The following LASP1 variants were observed in gnomAD, a reference collection of about 807,000 sequenced individuals.
LASP1 encodes LIM and SH3 protein 1, also known as LIM and SH3 domain protein 1.
A neutral mutation model predicts 38.6 loss-of-function variants in LASP1; 10 were observed. The observed-to-expected ratio is 0.26, with a 90% CI of 0.16 to 0.44. LASP1 has a LOEUF of 0.44. Among genes scored for constraint, LASP1 ranks in the 20% least tolerant of loss-of-function variants. The pLI is 1.00. For missense variants in LASP1, 243 were observed against 375.7 expected (o/e 0.65, Z 2.92); for synonymous variants, 132 against 140.8 (o/e 0.94, Z 0.44).
chr17:38,921,162 C>T lies in LASP1; in HGVS notation c.*2384C>T, dbSNP rs1046188117. 4.4e-6 allele frequency: 1 copy of T among 229,630 alleles called. No individual in the cohort carries two copies. The highest frequency in any genetic ancestry group is 1.8e-4 in the South Asian group (1 of 5,490). The allele number at this position is 229,630 out of a possible 1,614,324, so 14.2% of individuals were successfully genotyped here. On this transcript the variant is annotated 3_prime_UTR_variant, in exon 7 of 7. Coordinates refer to ENST00000318008, the MANE Select transcript of LASP1 (RefSeq NM_006148.4). ...TGTTCTTTACCAAAACCATCCATCC[C>T]TAGAAGAGCACAGAGCCCTGAGGGG...
At chr17:38,876,825 C>T (rs950069065) in intron 1 of LASP1, among the ~76,000 whole-genome samples, 1 of 151,936 alleles carries the variant, frequency 6.6e-6, no homozygotes, top group African/African-American at 2.4e-5. Flanking sequence ...GCCTCAGCCT[C>T]CCAAGTAGCT....
In LASP1 at chr17:38,890,569, G is replaced by A. The variant is rs759308597; in HGVS notation, c.249+65G>A. 3.2e-4 allele frequency: 467 copies of A among 1,454,900 alleles called. 1 individual carries two copies. The highest frequency in any genetic ancestry group is 4.2e-4 in the Non-Finnish European group (442 of 1,042,978). The allele number at this position is 1,454,900 out of a possible 1,614,324, so 90.1% of individuals were successfully genotyped here. ...TGCTGGGGAGGGAAGTTGTAAGGTCGGCATTTGGCAAGAGTACCTTCCCCT... is the reference window on the plus strand; with the variant it reads ...TGCTGGGGAGGGAAGTTGTAAGGTCAGCATTTGGCAAGAGTACCTTCCCCT... On this transcript the variant is annotated intron_variant, in intron 3 of 6. Coordinates refer to ENST00000318008, the MANE Select transcript of LASP1 (RefSeq NM_006148.4).
chr17:38,885,065 C>T (rs897719947), intron 2 of LASP1, among the ~76,000 whole-genome samples: 4 of 152,136 alleles, frequency 2.6e-5, no homozygotes, highest in South Asian at 4.1e-4. Flanking sequence ...TCATAATGGC[C>T]GAGCTTGGAA....
At position 38,918,782 on chromosome 17, in the gene LASP1, C is replaced by T. The variant is rs375387659; in HGVS notation, c.*4C>T. Reference sequence around the variant, plus strand: ...CAACTACGTGGAGGCCATCTGAACCCGCAGCGCCCCCATCTGTCTTCAGCA... The same window carrying T: ...CAACTACGTGGAGGCCATCTGAACCTGCAGCGCCCCCATCTGTCTTCAGCA... On this transcript the variant is annotated 3_prime_UTR_variant, in exon 7 of 7. Coordinates refer to ENST00000318008, the MANE Select transcript of LASP1 (RefSeq NM_006148.4). The surrounding 1 kb of genome is among the most constrained non-coding windows in gnomAD (Gnocchi z 4.4). 1.3e-5 allele frequency: 21 copies of T among 1,613,230 alleles called. No individual in the cohort carries two copies. Among genetic ancestry groups the T allele is most frequent in the African/African-American group, 6.7e-5 (5 of 74,942 alleles).
Position 38,915,101 on chromosome 17 carries a change from T to A in LASP1, c.567T>A (p.Pro189=), listed in dbSNP as rs1219225711. 6.2e-7 allele frequency: 1 copy of A among 1,613,744 alleles called. No homozygotes were observed. The highest frequency in any genetic ancestry group is 8.5e-7 in the Non-Finnish European group (1 of 1,179,964). ...VAQSYGGYKE[P]AAPVSIQRSA... is the part of the protein sequence containing the mutation. ...AGTCCTATGGTGGCTACAAGGAGCCTGCAGCCCCAGTCTCCATACAGCGCA... is the reference window on the plus strand; with the variant it reads ...AGTCCTATGGTGGCTACAAGGAGCCAGCAGCCCCAGTCTCCATACAGCGCA... The change falls in exon 6 of 7, where the codon CCT becomes CCA. Residue 189 remains proline (P), a synonymous_variant. Transcript: ENST00000318008.
Position 38,870,214 on chromosome 17 carries a change from G to C in LASP1, c.25G>C (p.Gly9Arg), listed in dbSNP as rs773847283. Residue 9 changes from glycine (G) to arginine (R), a missense_variant, in exon 1 of 7, where the codon GGC becomes CGC. Around this residue, in one of 4 missense-constraint regions of LASP1, gnomAD observed 43 missense variants for 108.3 expected, o/e 0.40. Coordinates refer to ENST00000318008, the MANE Select transcript of LASP1 (RefSeq NM_006148.4). ...CATGAACCCCAACTGCGCCCGGTGCGGCAAGATCGTGTATCCCACGGAGAA... is the reference window on the plus strand; with the variant it reads ...CATGAACCCCAACTGCGCCCGGTGCCGCAAGATCGTGTATCCCACGGAGAA... MNPNCARC[G>R]KIVYPTEKVN... 6.2e-7 allele frequency: 1 copy of C among 1,613,862 alleles called. No individual in the cohort carries two copies. Among genetic ancestry groups the C allele is most frequent in the Non-Finnish European group, 8.5e-7 (1 of 1,179,854 alleles).
chr17:38,919,812 C>T lies in LASP1; in HGVS notation c.*1034C>T, dbSNP rs1423872278. ...AAGTCAGCAGGGACCACTAAATCTCCAAGACCTGGTGTGCGGAGGCAGGAG... is the reference window on the plus strand; with the variant it reads ...AAGTCAGCAGGGACCACTAAATCTCTAAGACCTGGTGTGCGGAGGCAGGAG... On this transcript the variant is annotated 3_prime_UTR_variant, in exon 7 of 7. Transcript: ENST00000318008. 1 of 439,798 alleles carries T rather than the reference C, an allele frequency of 2.3e-6. No individual in the cohort carries two copies. Among genetic ancestry groups the T allele is most frequent in the Non-Finnish European group, 4.4e-6 (1 of 228,860 alleles). 27.2% of individuals were successfully genotyped at this position (439,798 alleles called of 1,614,324 possible).
At chr17:38,884,713 T>TG (rs1914062096) in intron 2 of LASP1, among the ~76,000 whole-genome samples, 1 of 122,820 alleles carries the variant, frequency 8.1e-6, no homozygotes, top group Non-Finnish European at 1.7e-5. Context: ...TTTTTTGAGA[T>TG]GGGGTCTCTC....
At chr17:38,909,346 G>A (rs1376427922) in intron 4 of LASP1, among the ~76,000 whole-genome samples, 2 of 152,108 alleles carry the variant, frequency 1.3e-5, no homozygotes, top group African/African-American at 4.8e-5. Flanking sequence ...GGTGGCTCAC[G>A]GCTGTAATCC....
At chr17:38,880,063 C>T (rs1363316042) in intron 2 of LASP1, among the ~76,000 whole-genome samples, 1 of 152,194 alleles carries the variant, frequency 6.6e-6, no homozygotes, top group Non-Finnish European at 1.5e-5. Context: ...TTCTTAAGGG[C>T]TCACACAAGC....
chr17:38,896,866 A>T, intron 3 of LASP1: 1 of 975,420 alleles, frequency 1.0e-6, no homozygotes, highest in African/African-American at 1.7e-5. Flanking sequence ...CCCCCTCCCC[A>T]TATTATACCT....
chr17:38,902,627 T>C (rs540703689), intron 4 of LASP1, among the ~76,000 whole-genome samples: 2 of 152,330 alleles, frequency 1.3e-5, no homozygotes, highest in African/African-American at 4.8e-5. Flanking sequence ...TTCCTGTTCC[T>C]GTATGTAGCT....
At chr17:38,891,225 C>T (rs1029117822) in intron 3 of LASP1, among the ~76,000 whole-genome samples, 2 of 151,980 alleles carry the variant, frequency 1.3e-5, no homozygotes, top group African/African-American at 4.8e-5. Context: ...GGGCTTCAGC[C>T]GATGAAGGAT....
At chr17:38,884,848 G>T (rs750738264) in intron 2 of LASP1, among the ~76,000 whole-genome samples, 1 of 151,670 alleles carries the variant, frequency 6.6e-6, no homozygotes, top group Non-Finnish European at 1.5e-5. Context: ...GTGTCACCAC[G>T]CCCGGCTAAT....
At chr17:38,890,745 C>T (rs1914291870) in intron 3 of LASP1, among the ~76,000 whole-genome samples, 1 of 152,106 alleles carries the variant, frequency 6.6e-6, no homozygotes, top group Non-Finnish European at 1.5e-5. Context: ...TTTGAGCCCG[C>T]TCTGGGGCTC....
chr17:38,914,602 C>A, intron 5 of LASP1, 127 bp downstream of exon 5: 2 of 1,222,400 alleles, frequency 1.6e-6, no homozygotes, highest in Non-Finnish European at 2.2e-6. Context: ...GGCGATTATG[C>A]CTCTTGTGTG....
chr17:38,920,837 TTC>T lies in LASP1; in HGVS notation c.*2061_*2062del, dbSNP rs1294932614. The T allele has an allele frequency of 4.3e-6, 1 of 232,610 alleles. No individual in the cohort carries two copies. The highest frequency in any genetic ancestry group is 8.5e-6 in the Non-Finnish European group (1 of 117,420). The allele number at this position is 232,610 out of a possible 1,614,324, so 14.4% of individuals were successfully genotyped here. Reference sequence around the variant, plus strand: ...GGGAGTCTTGGGTGGCGCTGGTGCATTCTGTTTCCTCTTGATCTCAAAGCACA... The same window carrying T: ...GGGAGTCTTGGGTGGCGCTGGTGCATTGTTTCCTCTTGATCTCAAAGCACA... On this transcript the variant is annotated 3_prime_UTR_variant, in exon 7 of 7. Coordinates refer to ENST00000318008, the MANE Select transcript of LASP1 (RefSeq NM_006148.4).
intron 2 of LASP1, among the ~76,000 whole-genome samples, chr17:38,886,004 C>T (rs73985035): frequency 0.021 from 3,178 of 152,274 alleles, 110 homozygotes; most frequent in African/African-American, 0.073. Flanking sequence ...GACACAGTCT[C>T]CTGACTTTGC....
intron 1 of LASP1, among the ~76,000 whole-genome samples, chr17:38,873,026 A>G (rs1191090464): frequency 2.6e-5 from 4 of 152,288 alleles, no homozygotes; most frequent in East Asian, 3.9e-4. Flanking sequence ...TGCTCATTCA[A>G]CAAATATTTA....
Sources: gnomAD v4.1 joint callset for allele counts (sites outside exome capture counted in the v4.1 genomes callset) on GRCh38, gnomAD v4.1.1 for gene constraint, gnomAD v4.1.1 regional missense constraint, Gnocchi (gnomAD v3.1) non-coding constraint, MANE v1.5 for transcripts, NCBI Gene and HGNC (gene_info 2026-07-23, HGNC 2026-07-21) for gene names.